USH2A: variants seen among roughly 807,000 people sequenced by gnomAD.
The protein encoded by USH2A is usherin, also known as Usher syndrome 2A (autosomal recessive, mild).
A neutral mutation model predicts 538.9 loss-of-function variants in USH2A; 443 were observed. That is an observed-to-expected ratio of 0.82 (90% CI 0.76 to 0.89). The LOEUF (loss-of-function observed/expected upper bound fraction) is 0.89, where lower values mean the gene tolerates loss of function less well. USH2A is among the 40% of genes least tolerant of loss of function. The pLI is 0.00. For synonymous variants in USH2A, 2,413 were observed against 2,273.5 expected (o/e 1.06, Z -1.75); for missense variants, 6,633 against 6,324.8 (o/e 1.05, Z -1.65).
chr1:216,163,337 T>C (rs1415497775), intron 21 of USH2A, among the ~76,000 whole-genome samples: 1 of 152,030 alleles, frequency 6.6e-6, no homozygotes, highest in Non-Finnish European at 1.5e-5. Context: ...ATTGATAATA[T>C]TAATTATAGT....
rs74141447 is a variant in USH2A, at chr1:215,859,650, T to C, written c.8845+7357A>G. Among the ~76,000 whole-genome samples, 810 of 152,178 alleles carry C rather than the reference T, an allele frequency of 5.3e-3. 4 individuals carry two copies. Among genetic ancestry groups the C allele is most frequent in the African/African-American group, 0.018 (757 of 41,564 alleles). ...TTGAGTATGCACAGCTTTGGTGTACTTAGGGGGCAGTCCTGGAACCAATCG... is the reference window on the plus strand; with the variant it reads ...TTGAGTATGCACAGCTTTGGTGTACCTAGGGGGCAGTCCTGGAACCAATCG... On this transcript the variant is annotated intron_variant, in intron 44 of 71. Transcript: ENST00000307340.
intron 50 of USH2A, 81 bp downstream of exon 50, chr1:215,798,826 G>A (rs1662213823): frequency 6.6e-7 from 1 of 1,519,082 alleles, no homozygotes; most frequent in African/African-American, 1.4e-5. Context: ...TTACTTATTT[G>A]TTTTATTTCT....
At chr1:215,774,907 CTT>C (rs201727746) in intron 55 of USH2A, among the ~76,000 whole-genome samples, 1 of 136,352 alleles carries the variant, frequency 7.3e-6, no homozygotes, top group Non-Finnish European at 1.6e-5. Flanking sequence ...TTTTTTTTTT[CTT>C]TTTTTTTTTT....
chr1:215,927,031 T>C (rs766702454), intron 38 of USH2A, among the ~76,000 whole-genome samples: 1 of 152,190 alleles, frequency 6.6e-6, no homozygotes, highest in Non-Finnish European at 1.5e-5. Context: ...GCAGGTAGAA[T>C]TATACACTCA....
chr1:216,216,538 A>C (rs893663917), intron 15 of USH2A, among the ~76,000 whole-genome samples: 4 of 152,152 alleles, frequency 2.6e-5, no homozygotes, highest in Middle Eastern at 3.4e-3. Flanking sequence ...TGACAGTCTC[A>C]GGACACCCCA....
rs1356231938 is a variant in USH2A at position 216,324,257 on chromosome 1, T to C, written c.1239A>G (p.Gln413=). 11 of 1,613,300 alleles carry C rather than the reference T, an allele frequency of 6.8e-6. No homozygotes were observed. Among genetic ancestry groups the C allele is most frequent in the Non-Finnish European group, 8.5e-6 (10 of 1,179,716 alleles). The change falls in exon 7 of 72, where the codon CAA becomes CAG. Residue 413 remains glutamine (Q), a synonymous_variant. Transcript: ENST00000307340. ...AAGCACCACAATTCCTGGCAAAATA[T>C]TGCCAGTCCTCCCAATCTAAACTAT... ...KENSLDWEDW[Q]YFARNCGAFG... is the part of the protein sequence containing the mutation.
At chr1:215,656,498 T>C (rs914226222) in intron 64 of USH2A, among the ~76,000 whole-genome samples, 1 of 152,226 alleles carries the variant, frequency 6.6e-6, no homozygotes, top group Non-Finnish European at 1.5e-5. Context: ...CCTCATAAAA[T>C]TGTAATACAG....
chr1:215,717,826 G>A (rs1293142571), intron 61 of USH2A, among the ~76,000 whole-genome samples: 1 of 152,140 alleles, frequency 6.6e-6, no homozygotes, highest in African/African-American at 2.4e-5. Flanking sequence ...GTTTGCTGAT[G>A]TCCAGTGTAG....
Position 215,843,326 on chromosome 1 carries a change from G to A in USH2A, c.9258+968C>T, listed in dbSNP as rs6660165. ...TGTAAATTGCAAGCTTTCTCTAAAT[G>A]TGGGGTTTCTGAAATACTCTGATTT... On this transcript the variant is annotated intron_variant, in intron 46 of 71. Coordinates refer to ENST00000307340, the MANE Select transcript of USH2A (RefSeq NM_206933.4). Among the ~76,000 whole-genome samples, 588 of 152,256 alleles carry A rather than the reference G, an allele frequency of 3.9e-3. 3 individuals carry two copies. The highest frequency in any genetic ancestry group is 0.013 in the African/African-American group (545 of 41,552).
At chr1:216,015,431 G>C (rs1203596946) in intron 32 of USH2A, among the ~76,000 whole-genome samples, 1 of 152,132 alleles carries the variant, frequency 6.6e-6, no homozygotes, top group Non-Finnish European at 1.5e-5. Flanking sequence ...AAAAACAGGG[G>C]CTTTATTCAG....
At chr1:216,007,824 A>AC (rs1285078512) in intron 32 of USH2A, among the ~76,000 whole-genome samples, 1 of 152,140 alleles carries the variant, frequency 6.6e-6, no homozygotes, top group Non-Finnish European at 1.5e-5. Context: ...AGGTGGGGGG[A>AC]CCCCCAAAGT....
At chr1:216,206,477 T>C (rs774415429) in intron 16 of USH2A, among the ~76,000 whole-genome samples, 1 of 152,118 alleles carries the variant, frequency 6.6e-6, no homozygotes, top group Non-Finnish European at 1.5e-5. Context: ...AGGATTCCTG[T>C]TCCTATGAGA....
chr1:215,786,566 T>C, intron 52 of USH2A, 104 bp downstream of exon 52: 1 of 1,241,340 alleles, frequency 8.1e-7, no homozygotes, highest in Non-Finnish European at 1.2e-6. Context: ...AATGTACTGA[T>C]ATCAGTTTAA....
chr1:215,859,678 T>C (rs1664265946), intron 44 of USH2A, among the ~76,000 whole-genome samples: 2 of 152,144 alleles, frequency 1.3e-5, no homozygotes, highest in Admixed American at 1.3e-4. Context: ...ACCAATCGCC[T>C]GCATATACCA....
chr1:216,092,108 G>GA (rs2032316894), intron 22 of USH2A, among the ~76,000 whole-genome samples: 1 of 152,282 alleles, frequency 6.6e-6, no homozygotes, highest in East Asian at 1.9e-4. Context: ...TTGTAAGCCA[G>GA]AAAAATGGAT....
chr1:216,415,221 T>C (rs2039556951), intron 3 of USH2A, among the ~76,000 whole-genome samples: 1 of 152,080 alleles, frequency 6.6e-6, no homozygotes, highest in Admixed American at 6.6e-5. Flanking sequence ...CACTTACTTG[T>C]TTATGAAGAA....
At chr1:215,861,699 A>G (rs1041182080) in intron 44 of USH2A, among the ~76,000 whole-genome samples, 3 of 152,186 alleles carry the variant, frequency 2.0e-5, no homozygotes, top group Non-Finnish European at 2.9e-5. Flanking sequence ...CTATTGACAC[A>G]AACACATACT....
At chr1:215,881,186 C>G (rs191051280) in intron 41 of USH2A, among the ~76,000 whole-genome samples, 2 of 152,152 alleles carry the variant, frequency 1.3e-5, no homozygotes, top group African/African-American at 2.4e-5. Flanking sequence ...TGTCACCCAG[C>G]CTGGAGTGCA....
chr1:216,274,473 C>G lies in USH2A; in HGVS notation c.1971+14807G>C, dbSNP rs555905135. Among the ~76,000 whole-genome samples, 3 of 152,116 alleles carry G rather than the reference C, an allele frequency of 2.0e-5. No homozygotes were observed. The East Asian group carries it at 5.8e-4, about 29-fold the overall frequency. On this transcript the variant is annotated intron_variant, in intron 11 of 71. Coordinates refer to ENST00000307340, the MANE Select transcript of USH2A (RefSeq NM_206933.4). The stretch of plus-strand genomic sequence containing the variant: ...CTAAGATGTGGATTCTGAGACTTAC[C>G]ACTTATTTATAGTACAGATACAATA...
Sources: allele counts gnomAD v4.1 joint callset (sites outside exome capture counted in the v4.1 genomes callset), GRCh38; gene constraint gnomAD v4.1.1; transcripts MANE v1.5; gene names NCBI Gene and HGNC (gene_info 2026-07-23, HGNC 2026-07-21).